Variants in WDR49 observed in about 807,000 individuals in gnomAD.
The protein encoded by WDR49 is cilia- and flagella-associated protein 337.
A neutral mutation model predicts 119.5 loss-of-function variants in WDR49; 107 were observed. That is an observed-to-expected ratio of 0.90 (90% confidence interval 0.77 to 1.05). The LOEUF is 1.05. WDR49 is among the 50% of genes least tolerant of loss of function. The pLI, the probability that WDR49 is intolerant of heterozygous loss-of-function variation, is 0.00. For synonymous variants in WDR49, 425 were observed against 418.8 expected, an observed-to-expected ratio of 1.01 and a Z score of -0.18; for missense variants, 1,240 against 1,220.5, an observed-to-expected ratio of 1.02 and a Z score of -0.24.
At chr3:167,514,724 AT>A (rs1752131823) in intron 16 of WDR49, among the ~76,000 whole-genome samples, 1 of 152,094 alleles carries the variant, frequency 6.6e-6, no homozygotes, top group Admixed American at 6.6e-5. Flanking sequence ...AATTAAGAAA[AT>A]AGATAGATTG....
At chr3:167,617,617 A>T (rs1716664242) in intron 5 of WDR49, among the ~76,000 whole-genome samples, 1 of 152,188 alleles carries the variant, frequency 6.6e-6, no homozygotes, top group South Asian at 2.1e-4. Context: ...CTCAGAATGA[A>T]CAATCCTCCT....
At chr3:167,584,400 A>G (rs1184199849) in intron 7 of WDR49, among the ~76,000 whole-genome samples, 1 of 152,168 alleles carries the variant, frequency 6.6e-6, no homozygotes, top group Admixed American at 6.5e-5. Flanking sequence ...ATTTCAATCC[A>G]AATACTGATA....
At chr3:167,595,735 C>T (rs1323710330) in intron 7 of WDR49, among the ~76,000 whole-genome samples, 1 of 152,110 alleles carries the variant, frequency 6.6e-6, no homozygotes, top group Non-Finnish European at 1.5e-5. Flanking sequence ...GGATTAAAGA[C>T]TTAAACGTCA....
intron 10 of WDR49, among the ~76,000 whole-genome samples, chr3:167,553,658 T>C (rs761986196): frequency 6.6e-6 from 1 of 152,134 alleles, no homozygotes; most frequent in Non-Finnish European, 1.5e-5. Context: ...CATTAGATCA[T>C]AGACTGTGGA....
rs568866076 is a variant in WDR49, at chr3:167,482,810, A to G, written c.3032-3814T>C. On this transcript the variant is annotated intron_variant, in intron 18 of 18. Transcript: ENST00000682715. ...ATGTGGAGTTAAGGCTGACAAAAAT[A>G]GAAGGTAAAGTCCATGTGCCTGACA... 3.3e-5 allele frequency among the ~76,000 whole-genome samples: 5 copies of G among 152,336 alleles called. No homozygotes were observed. In the East Asian group the frequency reaches 7.7e-4, roughly 24 times the overall value.
intron 7 of WDR49, among the ~76,000 whole-genome samples, chr3:167,596,798 C>T (rs2108301007): frequency 6.6e-6 from 1 of 150,820 alleles, no homozygotes. Flanking sequence ...TGCAGCGCAC[C>T]AGCATGGCAC....
At chr3:167,530,578 AAAC>A (rs1191213855) in intron 13 of WDR49, among the ~76,000 whole-genome samples, 3 of 152,044 alleles carry the variant, frequency 2.0e-5, no homozygotes, top group South Asian at 4.1e-4. Context: ...TTAAAAAAAA[AAAC>A]AAAACGATGA....
intron 16 of WDR49, among the ~76,000 whole-genome samples, chr3:167,516,445 C>A (rs1447695432): frequency 6.6e-6 from 1 of 152,122 alleles, no homozygotes; most frequent in Non-Finnish European, 1.5e-5. Flanking sequence ...TTTTTTATGG[C>A]TGCATAGTAT....
chr3:167,484,010 T>C (rs539936781), intron 18 of WDR49, among the ~76,000 whole-genome samples: 1 of 152,354 alleles, frequency 6.6e-6, no homozygotes, highest in South Asian at 2.1e-4. Context: ...CAACAGAGTA[T>C]GCAGTAGATC....
intron 7 of WDR49, among the ~76,000 whole-genome samples, chr3:167,586,746 C>T (rs1000738764): frequency 1.3e-5 from 2 of 152,138 alleles, no homozygotes; most frequent in Non-Finnish European, 2.9e-5. Flanking sequence ...TAGATTTAGA[C>T]TAACATGAAA....
rs1464111915 is a variant in WDR49 at position 167,561,447 on chromosome 3, A to G, written c.1510-1219T>C. Among the ~76,000 whole-genome samples, 15 of 152,216 alleles carry G rather than the reference A, an allele frequency of 9.9e-5. No individual in the cohort carries two copies. The East Asian group carries it at 2.9e-3, about 29-fold the overall frequency. Reference sequence around the variant, plus strand: ...TTAAAGAGCATCACAGGTGATTTAAATTTACAGCCTGACCTATGACCTGCT... The same window carrying G: ...TTAAAGAGCATCACAGGTGATTTAAGTTTACAGCCTGACCTATGACCTGCT... On this transcript the variant is annotated intron_variant, in intron 8 of 18. Coordinates refer to ENST00000682715, the MANE Select transcript of WDR49 (RefSeq NM_001366157.1).
rs1299544069 is a variant in WDR49, at chr3:167,537,137, A to G, written c.1824-137T>C. 3 of 762,364 alleles carry G rather than the reference A, an allele frequency of 3.9e-6. No individual in the cohort carries two copies. In the East Asian group the frequency reaches 1.1e-4, roughly 27 times the overall value. 47.2% of individuals were successfully genotyped at this position (762,364 alleles called of 1,614,324 possible). ...CAAAATTTATCCCCACTTGACAACC[A>G]TAATACTGAGTTTCCCACACTAAAC... On this transcript the variant is annotated intron_variant, in intron 10 of 18. Coordinates refer to ENST00000682715, the MANE Select transcript of WDR49 (RefSeq NM_001366157.1).
intron 2 of WDR49, among the ~76,000 whole-genome samples, chr3:167,634,357 CCA>C: frequency 6.6e-6 from 1 of 151,936 alleles, no homozygotes; most frequent in Admixed American, 6.6e-5. Flanking sequence ...AAGAAAATAA[CCA>C]GTTATTAAAT....
intron 9 of WDR49, among the ~76,000 whole-genome samples, chr3:167,555,717 T>C (rs563878302): frequency 3.9e-5 from 6 of 152,306 alleles, no homozygotes; most frequent in African/African-American, 1.4e-4. Context: ...ACACACATTT[T>C]GGTGGCCAGA....
intron 9 of WDR49, 27 bp downstream of exon 9, chr3:167,560,035 TGG>T: frequency 6.2e-7 from 1 of 1,612,606 alleles, no homozygotes; most frequent in Non-Finnish European, 8.5e-7. Flanking sequence ...TCCTCATATC[TGG>T]ATAGAAAAGC....
At chr3:167,536,770 TAA>T (rs138019711) in intron 11 of WDR49, 98 bp downstream of exon 11, 180,895 of 759,096 alleles carry the variant, frequency 0.24, 25,979 homozygotes, top group South Asian at 0.28. Flanking sequence ...TATATATATA[TAA>T]AACAACTGAG....
At chr3:167,571,864 T>C (rs1476684701) in intron 8 of WDR49, among the ~76,000 whole-genome samples, 2 of 152,200 alleles carry the variant, frequency 1.3e-5, no homozygotes, top group African/African-American at 4.8e-5. Context: ...CTATTAAAAT[T>C]TGATGACACC....
chr3:167,516,969 C>T (rs1193659226), intron 16 of WDR49, among the ~76,000 whole-genome samples: 2 of 152,200 alleles, frequency 1.3e-5, no homozygotes, highest in African/African-American at 2.4e-5. Flanking sequence ...TGAAAAAATG[C>T]TCATCATCAC....
At chr3:167,482,292 A>T (rs1300151819) in intron 18 of WDR49, among the ~76,000 whole-genome samples, 1 of 152,172 alleles carries the variant, frequency 6.6e-6, no homozygotes, top group Non-Finnish European at 1.5e-5. Context: ...GTTGTCCTTC[A>T]AATCCAAAAA....
Sources: allele counts gnomAD v4.1 joint callset (sites outside exome capture counted in the v4.1 genomes callset), GRCh38; gene constraint gnomAD v4.1.1; transcripts MANE v1.5; gene names NCBI Gene and HGNC (gene_info 2026-07-23, HGNC 2026-07-21).